The following BMS1 variants were observed in gnomAD, a reference collection of about 807,000 sequenced individuals.
BMS1 encodes the protein ribosome biogenesis protein BMS1 homolog.
In BMS1, 53 loss-of-function variants were observed where a neutral mutation model predicts 138.7. That is an observed-to-expected ratio of 0.38 (90% CI 0.31 to 0.48). The LOEUF (loss-of-function observed/expected upper bound fraction) is 0.48, where lower values mean the gene tolerates loss of function less well. BMS1 is among the 20% of genes least tolerant of loss of function. The pLI is 0.97. For missense variants in BMS1, 1,360 were observed against 1,565.5 expected (o/e 0.87, Z 2.22); for synonymous variants, 504 against 539.9 (o/e 0.93, Z 0.92).
At chr10:42,816,858 A>T (rs558791309) in intron 14 of BMS1, among the ~76,000 whole-genome samples, 186 bp downstream of exon 14, 1 of 152,192 alleles carries the variant, frequency 6.6e-6, no homozygotes, top group East Asian at 1.9e-4. Flanking sequence ...TTTGGATGAC[A>T]GTTACTACCG....
At chr10:42,807,623 C>T (rs1230761240) in intron 13 of BMS1, among the ~76,000 whole-genome samples, 1 of 152,146 alleles carries the variant, frequency 6.6e-6, no homozygotes, top group Non-Finnish European at 1.5e-5. Context: ...AGGCATGCAC[C>T]ACCGTGCCTG....
At position 42,830,322 on chromosome 10, in the gene BMS1, C is replaced by T; in HGVS notation, c.3518C>T (p.Ala1173Val). 3 of 1,613,996 alleles carry T rather than the reference C, an allele frequency of 1.9e-6. No homozygotes were observed. The highest frequency in any genetic ancestry group is 2.2e-5 in the South Asian group (2 of 91,054). Residue 1173 changes from alanine to valine, a missense_variant, in exon 22 of 23, where the codon GCC becomes GTC. This residue lies in a region of BMS1 where 425 missense variants were observed against 568.3 expected (regional missense o/e 0.75). Transcript: ENST00000374518. The stretch of plus-strand genomic sequence containing the variant: ...CACATTCCAAAAGCCTTGCAGAAGG[C>T]CCTGCCATTTAAGAACAAGCCCAAG... ...SLHIPKALQK[A>V]LPFKNKPKTQ...
At chr10:42,811,524 T>C (rs1457965735) in intron 13 of BMS1, among the ~76,000 whole-genome samples, 1 of 118,978 alleles carries the variant, frequency 8.4e-6, no homozygotes. Flanking sequence ...TATTTTCTTT[T>C]TCTTTTTTTT....
At chr10:42,798,277 C>T (rs539743853) in intron 11 of BMS1, among the ~76,000 whole-genome samples, 191 bp from the exon 12 acceptor site, 1 of 152,344 alleles carries the variant, frequency 6.6e-6, no homozygotes, top group African/African-American at 2.4e-5. Context: ...GCAATAGCTT[C>T]CTGGCTCTCT....
chr10:42,792,430 C>T, intron 6 of BMS1, 63 bp from the exon 7 acceptor site: 1 of 1,583,912 alleles, frequency 6.3e-7, no homozygotes, highest in South Asian at 1.2e-5. Flanking sequence ...ATCATTGACA[C>T]ATGAAAGGAG....
At chr10:42,829,054 AT>A (rs1842732724) in intron 21 of BMS1, among the ~76,000 whole-genome samples, 1 of 152,202 alleles carries the variant, frequency 6.6e-6, no homozygotes, top group South Asian at 2.1e-4. Context: ...CTTGTTCTAT[AT>A]AGTTGACTTT....
chr10:42,830,360 G>C lies in BMS1; in HGVS notation c.3556G>C (p.Ala1186Pro), dbSNP rs759093057. The part of the protein sequence containing the change: ...FKNKPKTQAK[A>P]GKVPKDRRRP... ...GAACAAGCCCAAGACCCAAGCAAAG[G>C]CAGGCAAGGTGCCAAAGGACAGGCG... The change falls in exon 22 of 23, where the codon GCA (alanine) becomes CCA (proline). Residue 1186 changes from alanine to proline, a missense_variant. Transcript: ENST00000374518. 1 of 1,613,942 alleles carries C rather than the reference G, an allele frequency of 6.2e-7. No homozygotes were observed. The highest frequency in any genetic ancestry group is 1.7e-5 in the Admixed American group (1 of 59,964).
chr10:42,790,501 A>G lies in BMS1; in HGVS notation c.626A>G (p.Glu209Gly). 3 of 1,613,902 alleles carry G rather than the reference A, an allele frequency of 1.9e-6. No individual in the cohort carries two copies. The Admixed American group carries it at 5.0e-5, about 27-fold the overall frequency. The change falls in exon 5 of 23, where the codon GAA becomes GGA. Residue 209 changes from glutamate to glycine, a missense_variant. Physicochemically the swap from Glu to Gly is moderately conservative, Grantham distance 98. This residue lies in a region of BMS1 where 238 missense variants were observed against 311.1 expected (regional missense o/e 0.77). Transcript: ENST00000374518. The part of the protein sequence containing the change: ...KKRLKHRFWT[E>G]VYPGAKLFYL... The stretch of plus-strand genomic sequence containing the variant: ...CGATTAAAACACAGGTTCTGGACGG[A>G]AGTTTACCCGGTACGAAGAGAAATA...
At chr10:42,802,055 G>A in intron 12 of BMS1, 82 bp from the exon 13 acceptor site, 1 of 1,049,786 alleles carries the variant, frequency 9.5e-7, no homozygotes, top group Non-Finnish European at 1.4e-6. Context: ...TTAAAGGCAA[G>A]TTGTCACCTA....
intron 6 of BMS1, 55 bp from the exon 7 acceptor site, chr10:42,792,438 G>A: frequency 1.3e-6 from 2 of 1,594,504 alleles, no homozygotes; most frequent in Non-Finnish European, 8.5e-7. Flanking sequence ...CACATGAAAG[G>A]AGGTATAGGA....
intron 11 of BMS1, among the ~76,000 whole-genome samples, chr10:42,798,260 A>G (rs1240716440): frequency 3.3e-5 from 5 of 152,120 alleles, no homozygotes; most frequent in Admixed American, 1.3e-4. Context: ...AGCCCCACAC[A>G]TGTAGAGCAA....
chr10:42,820,328 A>C lies in BMS1; in HGVS notation c.2673A>C (p.Glu891Asp). The C allele has an allele frequency of 1.2e-6, 2 of 1,613,754 alleles. No individual in the cohort carries two copies. The highest frequency in any genetic ancestry group is 2.2e-5 in the South Asian group (2 of 91,056). The change falls in exon 16 of 23, where the codon GAA (glutamate) becomes GAC (aspartate). Residue 891 changes from glutamate to aspartate, a missense_variant. Physicochemically the swap from Glu to Asp is conservative, Grantham distance 45. Around this residue, in one of 3 missense-constraint regions of BMS1, gnomAD observed 425 missense variants for 568.3 expected, o/e 0.75. Coordinates refer to ENST00000374518, the MANE Select transcript of BMS1 (RefSeq NM_014753.4). ...GGATGTACGTCCGCATTGAGATTGA[A>C]AATGTTCCCTGTGAATTTGTGCAGA... ...RPGMYVRIEIENVPCEFVQNF... is the reference protein window; with the variant it reads ...RPGMYVRIEIDNVPCEFVQNF...
chr10:42,822,737 C>A (rs901508108), intron 19 of BMS1, among the ~76,000 whole-genome samples: 1 of 152,116 alleles, frequency 6.6e-6, no homozygotes, highest in Non-Finnish European at 1.5e-5. Context: ...ATAATACCAC[C>A]AGCGTTTATC....
In BMS1 at chr10:42,807,455, G is replaced by T. The variant is rs551427483; in HGVS notation, c.2329+5237G>T. 8.4e-4 allele frequency among the ~76,000 whole-genome samples: 128 copies of T among 152,158 alleles called. 2 individuals carry two copies. In the South Asian group the frequency reaches 0.025, roughly 30 times the overall value. On this transcript the variant is annotated intron_variant, in intron 13 of 22. Coordinates refer to ENST00000374518, the MANE Select transcript of BMS1 (RefSeq NM_014753.4). Reference sequence around the variant, plus strand: ...AACCATTCATCCAAGATCAAGCTGGGTTGTTTACAGTTTGTTTTGTTTTGT... The same window carrying T: ...AACCATTCATCCAAGATCAAGCTGGTTTGTTTACAGTTTGTTTTGTTTTGT...
chr10:42,815,371 T>C (rs1842316789), intron 13 of BMS1, among the ~76,000 whole-genome samples: 1 of 152,198 alleles, frequency 6.6e-6, no homozygotes, highest in East Asian at 1.9e-4. Context: ...GCTTTTCTTC[T>C]TTTTTAAAAA....
intron 12 of BMS1, among the ~76,000 whole-genome samples, chr10:42,800,269 G>A (rs1010379326): frequency 2.0e-5 from 3 of 151,924 alleles, no homozygotes; most frequent in African/African-American, 7.3e-5. Flanking sequence ...TTTATTTTTC[G>A]GCGAAACTGC....
intron 15 of BMS1, among the ~76,000 whole-genome samples, chr10:42,818,213 A>C (rs1456982542): frequency 6.6e-6 from 1 of 152,190 alleles, no homozygotes; most frequent in African/African-American, 2.4e-5. Context: ...TCAAAGGACT[A>C]TTTCCTGATT....
At position 42,802,322 on chromosome 10, in the gene BMS1, A is replaced by G. The variant is rs113420488; in HGVS notation, c.2329+104A>G. ...ATTGAAAATAATAGTCACTTGTCAA[A>G]TGCTTTGGGAATTCAGACAGGAGTA... On this transcript the variant is annotated intron_variant, in intron 13 of 22. Transcript: ENST00000374518. 1.6e-3 allele frequency: 1,505 copies of G among 969,140 alleles called. 19 individuals are homozygous for G. The African/African-American group carries it at 0.021, about 13-fold the overall frequency. 60.0% of individuals were successfully genotyped at this position (969,140 alleles called of 1,614,324 possible).
chr10:42,815,649 C>T (rs1358254977), intron 13 of BMS1, among the ~76,000 whole-genome samples: 2 of 152,162 alleles, frequency 1.3e-5, no homozygotes, highest in Non-Finnish European at 2.9e-5. Context: ...GCAACGTCTG[C>T]CTCCCGGGCC....
Sources: allele counts gnomAD v4.1 joint callset (sites outside exome capture counted in the v4.1 genomes callset), GRCh38; gene constraint gnomAD v4.1.1; regional missense constraint gnomAD v4.1.1; transcripts MANE v1.5; gene names NCBI Gene and HGNC (gene_info 2026-07-23, HGNC 2026-07-21).